SHISA9: variants seen among roughly 807,000 people sequenced by gnomAD.
The protein encoded by SHISA9 is shisa family member 9.
In SHISA9, 13 loss-of-function variants were observed where a neutral mutation model predicts 38.0. The ratio of observed to expected loss-of-function variants is 0.34; its 90% CI spans 0.22 to 0.54. SHISA9 has a LOEUF of 0.54. Ranked by LOEUF, SHISA9 falls within the 20% of genes least tolerant of loss-of-function variation. The pLI is 0.91. For missense variants in SHISA9, 538 were observed against 575.8 expected, an observed-to-expected ratio of 0.93 and a Z score of 0.67; for synonymous variants, 275 against 242.0, an observed-to-expected ratio of 1.14 and a Z score of -1.27.
intron 2 of SHISA9, among the ~76,000 whole-genome samples, chr16:13,075,318 C>T (rs1002195999): frequency 2.6e-5 from 4 of 152,196 alleles, no homozygotes; most frequent in African/African-American, 7.2e-5. Flanking sequence ...TGATCTCTAG[C>T]ACCTGGTGTC....
At chr16:12,983,555 C>T (rs2072268404) in intron 2 of SHISA9, among the ~76,000 whole-genome samples, 1 of 152,302 alleles carries the variant, frequency 6.6e-6, no homozygotes, top group East Asian at 1.9e-4. Flanking sequence ...GTGGCACAAT[C>T]TCGGCTCACT....
downstream of SHISA9, among the ~76,000 whole-genome samples, chr16:13,245,225 C>G (rs1455321006): frequency 1.3e-5 from 2 of 152,088 alleles, no homozygotes; most frequent in Non-Finnish European, 2.9e-5. Flanking sequence ...CCTTATTGCC[C>G]ACATTTATAA....
intron 2 of SHISA9, among the ~76,000 whole-genome samples, chr16:13,175,987 A>G (rs961565315): frequency 6.6e-6 from 1 of 152,082 alleles, no homozygotes; most frequent in Admixed American, 6.6e-5. Flanking sequence ...GCCAAATCAA[A>G]TCTCTAAAGT....
At chr16:13,245,204 T>C (rs1048142298), downstream of SHISA9, among the ~76,000 whole-genome samples, 16 of 152,222 alleles carry the variant, frequency 1.1e-4, no homozygotes, top group African/African-American at 3.4e-4. Flanking sequence ...GGCATGAGCC[T>C]CTGCACCCTG....
intron 2 of SHISA9, among the ~76,000 whole-genome samples, chr16:12,966,646 T>G (rs190491098): frequency 8.5e-5 from 13 of 152,296 alleles, no homozygotes; most frequent in African/African-American, 3.1e-4. Context: ...TATCCCTTTC[T>G]CTGGAATAAT....
the SHISA9 span, among the ~76,000 whole-genome samples, chr16:13,438,504 A>G: frequency 1.3e-5 from 2 of 152,222 alleles, no homozygotes; most frequent in African/African-American, 4.8e-5. Flanking sequence ...TACATAAGAC[A>G]TTAAGCTACA....
intron 2 of SHISA9, among the ~76,000 whole-genome samples, chr16:13,114,430 C>A (rs1284981820): frequency 7.2e-6 from 1 of 139,672 alleles, no homozygotes; most frequent in Non-Finnish European, 1.5e-5. Context: ...TGCACCACTG[C>A]ACTCCAGCCT....
the SHISA9 span, among the ~76,000 whole-genome samples, chr16:13,294,773 CA>C: frequency 6.6e-6 from 1 of 152,088 alleles, no homozygotes; most frequent in African/African-American, 2.4e-5. Flanking sequence ...GCAGCAAATA[CA>C]ATGAGCGAAT....
chr16:13,489,941 T>C, the SHISA9 span, among the ~76,000 whole-genome samples: 3 of 152,198 alleles, frequency 2.0e-5, no homozygotes, highest in Non-Finnish European at 4.4e-5. Context: ...CCATTGCCTG[T>C]GTTGACACTG....
intron 2 of SHISA9, among the ~76,000 whole-genome samples, chr16:13,159,623 C>G (rs1003235870): frequency 1.3e-5 from 2 of 152,232 alleles, no homozygotes; most frequent in Non-Finnish European, 2.9e-5. Flanking sequence ...ATACGCTTTT[C>G]TCTTGATAAA....
intron 2 of SHISA9, among the ~76,000 whole-genome samples, chr16:13,107,620 C>T (rs2073940216): frequency 6.6e-6 from 1 of 151,884 alleles, no homozygotes; most frequent in Non-Finnish European, 1.5e-5. Context: ...CAGGGGGAAG[C>T]AGGACATTGA....
chr16:13,170,713 A>G lies in SHISA9; in HGVS notation c.692-32681A>G, dbSNP rs182800227. 1.2e-4 allele frequency among the ~76,000 whole-genome samples: 18 copies of G among 152,176 alleles called. No homozygotes were observed. In the South Asian group the frequency reaches 1.9e-3, roughly 16 times the overall value. Reference sequence around the variant, plus strand: ...GCTCTATTGCCCAGGCTGGAGTGCAATGGTGCCATCTCGGCTCACTGCAAC... The same window carrying G: ...GCTCTATTGCCCAGGCTGGAGTGCAGTGGTGCCATCTCGGCTCACTGCAAC... On this transcript the variant is annotated intron_variant, in intron 2 of 4. Coordinates refer to ENST00000558583, the MANE Select transcript of SHISA9 (RefSeq NM_001145204.3).
chr16:13,556,782 AAAC>A, the SHISA9 span, among the ~76,000 whole-genome samples: 5 of 152,340 alleles, frequency 3.3e-5, no homozygotes, highest in Admixed American at 6.5e-5. Context: ...TAAAAAATAA[AAAC>A]AATAATATAA....
At chr16:12,956,765 A>G (rs577965421) in intron 2 of SHISA9, among the ~76,000 whole-genome samples, 1 of 152,258 alleles carries the variant, frequency 6.6e-6, no homozygotes, top group African/African-American at 2.4e-5. Context: ...AAAATTACCT[A>G]TTGGGTAAAG....
chr16:13,525,664 A>G, the SHISA9 span, among the ~76,000 whole-genome samples: 2 of 152,248 alleles, frequency 1.3e-5, no homozygotes, highest in Non-Finnish European at 2.9e-5. Context: ...AATCTTAATT[A>G]TCTACTTTAT....
At chr16:13,184,613 T>G (rs535519582) in intron 2 of SHISA9, among the ~76,000 whole-genome samples, 20 of 152,366 alleles carry the variant, frequency 1.3e-4, no homozygotes, top group African/African-American at 4.6e-4. Flanking sequence ...TCCGTTGTTC[T>G]GCACTTTTAT....
the SHISA9 span, among the ~76,000 whole-genome samples, chr16:13,556,337 A>T: frequency 6.6e-6 from 1 of 152,156 alleles, no homozygotes; most frequent in Non-Finnish European, 1.5e-5. Context: ...TGGAATTTGA[A>T]CACAGTCTGA....
At chr16:13,562,208 T>C in the SHISA9 span, among the ~76,000 whole-genome samples, 1 of 152,230 alleles carries the variant, frequency 6.6e-6, no homozygotes, top group Admixed American at 6.5e-5. Context: ...CAGAAACCCC[T>C]GGAACAGGTA....
At chr16:13,263,825 A>G in the SHISA9 span, among the ~76,000 whole-genome samples, 1 of 152,208 alleles carries the variant, frequency 6.6e-6, no homozygotes, top group Non-Finnish European at 1.5e-5. Context: ...TAGGTACATG[A>G]GACCTGTCTG....
Sources: allele counts gnomAD v4.1 joint callset (sites outside exome capture counted in the v4.1 genomes callset), GRCh38; gene constraint gnomAD v4.1.1; transcripts MANE v1.5; gene names NCBI Gene and HGNC (gene_info 2026-07-23, HGNC 2026-07-21).